Variants in PDE4D observed in about 807,000 individuals in gnomAD.
PDE4D encodes 3',5'-cyclic-AMP phosphodiesterase 4D.
A neutral mutation model predicts 87.4 loss-of-function variants in PDE4D; 24 were observed. The observed-to-expected ratio is 0.27, with a 90% CI of 0.20 to 0.39. The LOEUF is 0.39. PDE4D is among the 10% of genes least tolerant of loss of function. The pLI is 1.00. For synonymous variants in PDE4D, 384 were observed against 383.2 expected (o/e 1.00, Z -0.02); for missense variants, 714 against 1,041.0 (o/e 0.69, Z 4.32).
At chr5:59,148,551 C>A (rs937474129) in intron 5 of PDE4D, among the ~76,000 whole-genome samples, 2 of 152,104 alleles carry the variant, frequency 1.3e-5, no homozygotes, top group African/African-American at 4.8e-5. Flanking sequence ...GAAAGCGTAT[C>A]CCAGCACCTG....
intron 2 of PDE4D, among the ~76,000 whole-genome samples, chr5:59,194,778 C>G (rs1246452524): frequency 6.6e-6 from 1 of 152,132 alleles, no homozygotes; most frequent in East Asian, 1.9e-4. Flanking sequence ...GAAGAGGCAA[C>G]TGAGGTTCAG....
intron 1 of PDE4D, among the ~76,000 whole-genome samples, chr5:59,598,579 C>T (rs931632867): frequency 1.3e-5 from 2 of 152,104 alleles, no homozygotes; most frequent in Admixed American, 1.3e-4. Flanking sequence ...GAGGCTGCTG[C>T]CTGTGTGTGT....
intron 3 of PDE4D, among the ~76,000 whole-genome samples, chr5:59,913,421 G>A (rs978669212): frequency 6.6e-6 from 1 of 152,120 alleles, no homozygotes; most frequent in Non-Finnish European, 1.5e-5. Context: ...ATATGTGAGA[G>A]CTAGACAAAC....
intron 1 of PDE4D, among the ~76,000 whole-genome samples, chr5:60,494,719 T>C (rs1020532418): frequency 3.3e-5 from 5 of 152,210 alleles, no homozygotes; most frequent in Non-Finnish European, 5.9e-5. Context: ...ATGGTCCTGC[T>C]ATCTTCCAAG....
At chr5:59,744,860 T>C (rs1759378312) in intron 1 of PDE4D, among the ~76,000 whole-genome samples, 1 of 152,186 alleles carries the variant, frequency 6.6e-6, no homozygotes, top group Non-Finnish European at 1.5e-5. Flanking sequence ...TTTTCCTGGA[T>C]AGCTATGGTA....
intron 2 of PDE4D, among the ~76,000 whole-genome samples, chr5:60,124,731 A>G (rs183527569): frequency 6.6e-5 from 10 of 152,252 alleles, no homozygotes; most frequent in Admixed American, 3.3e-4. Context: ...ACTCCTCAAA[A>G]GAGTTTTCCA....
At chr5:59,712,292 G>GA (rs1754305328) in intron 1 of PDE4D, among the ~76,000 whole-genome samples, 1 of 150,192 alleles carries the variant, frequency 6.7e-6, no homozygotes, top group Non-Finnish European at 1.5e-5. Flanking sequence ...TGGTCTAAAT[G>GA]ATCTCGTTCT....
chr5:60,166,340 T>C (rs776289292), intron 2 of PDE4D, among the ~76,000 whole-genome samples: 21 of 152,200 alleles, frequency 1.4e-4, no homozygotes, highest in Non-Finnish European at 2.6e-4. Flanking sequence ...ATGAGGCTTA[T>C]AAAAGACACT....
chr5:59,748,266 C>A (rs550960575), intron 1 of PDE4D, among the ~76,000 whole-genome samples: 1 of 152,140 alleles, frequency 6.6e-6, no homozygotes, highest in Non-Finnish European at 1.5e-5. Context: ...GACTCCTGTG[C>A]CTGAGGTAGG....
chr5:59,872,828 A>G (rs1748018764), intron 1 of PDE4D, among the ~76,000 whole-genome samples: 1 of 152,054 alleles, frequency 6.6e-6, no homozygotes, highest in African/African-American at 2.4e-5. Context: ...GATCAGTAGG[A>G]AAAAAAACTC....
At chr5:59,261,344 A>C (rs1220345553) in intron 1 of PDE4D, among the ~76,000 whole-genome samples, 1 of 151,880 alleles carries the variant, frequency 6.6e-6, no homozygotes, top group Non-Finnish European at 1.5e-5. Flanking sequence ...GGGATTATGC[A>C]CAGTAACAAA....
chr5:59,239,980 A>G (rs966095248), intron 1 of PDE4D, among the ~76,000 whole-genome samples: 8 of 152,186 alleles, frequency 5.3e-5, no homozygotes, highest in African/African-American at 1.9e-4. Context: ...CCCTTTGAAT[A>G]CATGGGAGTT....
At chr5:59,725,983 G>C (rs144383258) in intron 1 of PDE4D, among the ~76,000 whole-genome samples, 2 of 151,982 alleles carry the variant, frequency 1.3e-5, no homozygotes, top group African/African-American at 2.4e-5. Context: ...ACCACCCTAA[G>C]GACTGCTATG....
rs534645714 is a variant in PDE4D at position 59,605,199 on chromosome 5, A to C, written c.455+287969T>G. Among the ~76,000 whole-genome samples, 4 of 152,240 alleles carry C rather than the reference A, an allele frequency of 2.6e-5. No homozygotes were observed. The East Asian group carries it at 7.7e-4, about 29-fold the overall frequency. ...AAAGACAATTATATAGATTTATAAA[A>C]TTTGTAACTGACTTGCTATTTCCAA... is the stretch of plus-strand genomic sequence containing the variant. On this transcript the variant is annotated intron_variant, in intron 1 of 14. Transcript: ENST00000340635.
At chr5:59,152,225 C>T (rs1232002336) in intron 5 of PDE4D, among the ~76,000 whole-genome samples, 1 of 151,996 alleles carries the variant, frequency 6.6e-6, no homozygotes, top group Non-Finnish European at 1.5e-5. Context: ...AGTCTTAGCA[C>T]AGTGTTTGGC....
At chr5:60,175,058 A>C (rs1042749910) in intron 2 of PDE4D, among the ~76,000 whole-genome samples, 4 of 151,924 alleles carry the variant, frequency 2.6e-5, no homozygotes, top group African/African-American at 9.7e-5. Flanking sequence ...AATTATGGAT[A>C]TGTCATGCCA....
chr5:59,011,347 C>T (rs1292275047), intron 6 of PDE4D, among the ~76,000 whole-genome samples: 1 of 152,052 alleles, frequency 6.6e-6, no homozygotes, highest in Non-Finnish European at 1.5e-5. Flanking sequence ...TAAACTTTTC[C>T]GAGCTAAAGG....
intron 5 of PDE4D, among the ~76,000 whole-genome samples, chr5:59,088,473 T>C (rs1452511942): frequency 6.6e-6 from 1 of 152,158 alleles, no homozygotes; most frequent in Non-Finnish European, 1.5e-5. Flanking sequence ...GGAATATAAA[T>C]CATTCTATTA....
chr5:59,427,018 C>T (rs1378906369), intron 1 of PDE4D, among the ~76,000 whole-genome samples: 1 of 94,932 alleles, frequency 1.1e-5, no homozygotes. Flanking sequence ...CACACACACA[C>T]ACACACACAC....
Sources: allele counts gnomAD v4.1 joint callset (sites outside exome capture counted in the v4.1 genomes callset), GRCh38; gene constraint gnomAD v4.1.1; transcripts MANE v1.5; gene names NCBI Gene and HGNC (gene_info 2026-07-23, HGNC 2026-07-21).